Variants in PON1 observed in about 807,000 individuals in gnomAD.
PON1 encodes the protein paraoxonase 1, also known as serum paraoxonase/arylesterase 1.
In PON1, 37 loss-of-function variants were observed where a neutral mutation model predicts 39.2. The observed-to-expected ratio is 0.94, with a 90% CI of 0.73 to 1.24. The LOEUF (loss-of-function observed/expected upper bound fraction) is 1.24, where lower values mean the gene tolerates loss of function less well. PON1 is among the 50% of genes most tolerant of loss of function. The probability of loss-of-function intolerance (pLI) is 0.00; values close to 1 mark genes in which losing one functional copy is unlikely to be tolerated. For missense variants in PON1, 397 were observed against 413.5 expected (o/e 0.96, Z 0.35); for synonymous variants, 148 against 152.2 (o/e 0.97, Z 0.21).
Position 95,299,011 on chromosome 7 carries a change from G to A in PON1, c.1001C>T (p.Ala334Val). The change falls in exon 9 of 9, where the codon GCC becomes GTC. Residue 334 changes from alanine to valine, a missense_variant. Coordinates refer to ENST00000222381, the MANE Select transcript of PON1 (RefSeq NM_000446.7). ...NGTVLQGSTV[A>V]SVYKGKLLIG... ...CAGCAGTTTCCCTTTGTACACAGAGGCAACTGTACTGCCTTGCAACACTGT... is the reference window on the plus strand; with the variant it reads ...CAGCAGTTTCCCTTTGTACACAGAGACAACTGTACTGCCTTGCAACACTGT... The A allele has an allele frequency of 6.2e-7, 1 of 1,614,158 alleles. No homozygotes were observed. The highest frequency in any genetic ancestry group is 1.1e-5 in the South Asian group (1 of 91,084).
At chr7:95,322,459 C>G (rs902664998) in intron 1 of PON1, among the ~76,000 whole-genome samples, 2 of 151,818 alleles carry the variant, frequency 1.3e-5, no homozygotes, top group Non-Finnish European at 2.9e-5. Flanking sequence ...TTGAAAGTTG[C>G]AGAAATGATA....
intron 1 of PON1, among the ~76,000 whole-genome samples, chr7:95,320,699 C>G (rs1424477916): frequency 3.9e-5 from 6 of 152,174 alleles, no homozygotes. Context: ...GAAGATGCAC[C>G]TGAAAATTGA....
rs1997230 is a variant in PON1 at position 95,323,001 on chromosome 7, G to A, written c.74+1401C>T. Among the ~76,000 whole-genome samples, 456 of 152,262 alleles carry A rather than the reference G, an allele frequency of 3.0e-3. 9 individuals carry two copies. Among genetic ancestry groups the A allele is most frequent in the Admixed American group, 0.027 (406 of 15,288 alleles). ...GGGATTTGGCTTGCTCCTGATGCAG[G>A]CCTCATGATATCATCTCTTGCCTTC... is the stretch of plus-strand genomic sequence containing the variant. On this transcript the variant is annotated intron_variant, in intron 1 of 8. Coordinates refer to ENST00000222381, the MANE Select transcript of PON1 (RefSeq NM_000446.7).
At chr7:95,299,896 A>G (rs1328464936) in intron 8 of PON1, among the ~76,000 whole-genome samples, 2 of 152,176 alleles carry the variant, frequency 1.3e-5, no homozygotes, top group Non-Finnish European at 1.5e-5. Context: ...CCATGCAGTA[A>G]TTAAGGTCCG....
rs373890089 is a variant in PON1, at chr7:95,324,480, G to A, written c.-5C>T. ...GAGCGCAATCAGCTTCGCCATGGTC[G>A]GGGATAGACAAAGGGATCGATGGGC... is the stretch of plus-strand genomic sequence containing the variant. On this transcript the variant is annotated 5_prime_UTR_variant, in exon 1 of 9. Coordinates refer to ENST00000222381, the MANE Select transcript of PON1 (RefSeq NM_000446.7). The A allele has an allele frequency of 3.7e-6, 6 of 1,613,750 alleles. No individual in the cohort carries two copies. The highest frequency in any genetic ancestry group is 5.1e-6 in the Non-Finnish European group (6 of 1,179,844).
At chr7:95,299,435 G>T (rs1244493758) in intron 8 of PON1, among the ~76,000 whole-genome samples, 1 of 152,122 alleles carries the variant, frequency 6.6e-6, no homozygotes, top group Non-Finnish European at 1.5e-5. Context: ...CAGTATGATA[G>T]TTAATACTGA....
At chr7:95,315,552 C>A in intron 3 of PON1, 62 bp from the exon 4 acceptor site, 1 of 1,529,304 alleles carries the variant, frequency 6.5e-7, no homozygotes, top group Admixed American at 1.7e-5. Flanking sequence ...CTAATAGAGG[C>A]GCTGCATGGC....
chr7:95,313,618 ATGTGTGTGTG>A (rs3046663), intron 4 of PON1, among the ~76,000 whole-genome samples: 30 of 147,292 alleles, frequency 2.0e-4, no homozygotes, highest in East Asian at 9.9e-4. Context: ...ATATATGTAT[ATGTGTGTGTG>A]TGTGTGTGTG....
chr7:95,302,103 A>AC, intron 8 of PON1, 102 bp downstream of exon 8: 3 of 705,174 alleles, frequency 4.3e-6, no homozygotes, highest in African/African-American at 5.5e-5. Flanking sequence ...TCACAAAAAA[A>AC]AAAAAAAAAA....
rs1807745467 is a variant in PON1 at position 95,315,425 on chromosome 7, G to A, written c.267C>T (p.Asp89=). 6.2e-7 allele frequency: 1 copy of A among 1,613,468 alleles called. No individual in the cohort carries two copies. The highest frequency in any genetic ancestry group is 1.3e-5 in the African/African-American group (1 of 74,888). The stretch of plus-strand genomic sequence containing the variant: ...ACACTGTTGGATCTTCTTCATTCAG[G>A]TCCATCAGAAGTATTTTTCCAGGAC... The part of the protein sequence containing the change: ...PNSPGKILLM[D]LNEEDPTVLE... The change falls in exon 4 of 9, where the codon GAC becomes GAT. Residue 89 remains aspartate (D), a synonymous_variant. Transcript: ENST00000222381.
chr7:95,302,330 G>T lies in PON1; in HGVS notation c.784C>A (p.Leu262Ile). The T allele has an allele frequency of 6.2e-7, 1 of 1,606,558 alleles. No homozygotes were observed. The highest frequency in any genetic ancestry group is 8.5e-7 in the Non-Finnish European group (1 of 1,173,836). Residue 262 changes from leucine to isoleucine, a missense_variant, in exon 8 of 9, where the codon CTT becomes ATT. Transcript: ENST00000222381. The stretch of plus-strand genomic sequence containing the variant: ...TTATCCACGAGGGTATTAAAGTCAA[G>T]GGACTTAAAAGATTAAAAACAAGAA... Reference protein sequence around the residue: ...ANWTLTPLKSLDFNTLVDNIS... With the variant: ...ANWTLTPLKSIDFNTLVDNIS...
chr7:95,314,257 G>C (rs1585698303), intron 4 of PON1, among the ~76,000 whole-genome samples: 1 of 152,120 alleles, frequency 6.6e-6, no homozygotes, highest in East Asian at 1.9e-4. Context: ...CTACTCAGGA[G>C]GCTGAGGCAG....
rs7809060 is a variant in PON1 at position 95,302,075 on chromosome 7, C to G, written c.909+130G>C. ...TTGCGCCACTGCACTCCAGCCTGGG[C>G]GACAGAGCGATACTCTGTCACAAAA... On this transcript the variant is annotated intron_variant, in intron 8 of 8. Coordinates refer to ENST00000222381, the MANE Select transcript of PON1 (RefSeq NM_000446.7). 5.4e-6 allele frequency: 5 copies of G among 923,508 alleles called. No homozygotes were observed. The Admixed American group carries it at 1.6e-4, about 29-fold the overall frequency. 57.2% of individuals were successfully genotyped at this position (923,508 alleles called of 1,614,324 possible). A position where few individuals can be genotyped will look rare whatever the true frequency, so the allele number is the denominator to read the frequency against.
At chr7:95,316,894 T>C (rs1807781037) in intron 2 of PON1, 105 bp from the exon 3 acceptor site, 5 of 819,674 alleles carry the variant, frequency 6.1e-6, no homozygotes, top group Non-Finnish European at 1.1e-5. Flanking sequence ...TACATCACTC[T>C]TCTTTAATAG....
chr7:95,315,737 G>A (rs928289922), intron 3 of PON1, among the ~76,000 whole-genome samples: 2 of 152,132 alleles, frequency 1.3e-5, no homozygotes, highest in Non-Finnish European at 2.9e-5. Flanking sequence ...ATATGTGCAC[G>A]ACACTACAGC....
rs13306696 is a variant in PON1, at chr7:95,306,506, C to T, written c.699-140G>A. The T allele has an allele frequency of 1.1e-4, 77 of 701,636 alleles. 1 individual carries two copies. The East Asian group carries it at 1.9e-3, about 17-fold the overall frequency. 43.5% of individuals were successfully genotyped at this position (701,636 alleles called of 1,614,324 possible). ...GAACCCACCTCAAACACACCAAATT[C>T]TGAAAGAACTCAGTGAGTTTACAGT... On this transcript the variant is annotated intron_variant, in intron 6 of 8. Transcript: ENST00000222381.
At chr7:95,302,111 A>AAC (rs1563594314) in intron 8 of PON1, 94 bp downstream of exon 8, 1 of 841,992 alleles carries the variant, frequency 1.2e-6, no homozygotes, top group African/African-American at 1.8e-5. Context: ...AAAAAAAAAA[A>AAC]AAAAAAAAAA....
At chr7:95,315,984 TA>T (rs1464770484) in intron 3 of PON1, among the ~76,000 whole-genome samples, 2 of 152,210 alleles carry the variant, frequency 1.3e-5, no homozygotes, top group African/African-American at 4.8e-5. Flanking sequence ...TGTGTTCCCA[TA>T]TAAGATTTTG....
intron 6 of PON1, among the ~76,000 whole-genome samples, chr7:95,307,077 A>G (rs1585694259): frequency 1.3e-5 from 2 of 149,966 alleles, no homozygotes; most frequent in East Asian, 3.9e-4. Flanking sequence ...TTTTTTTAAA[A>G]AAAAACAGAG....
Sources: gnomAD v4.1 joint callset for allele counts (sites outside exome capture counted in the v4.1 genomes callset) on GRCh38, gnomAD v4.1.1 for gene constraint, MANE v1.5 for transcripts, NCBI Gene and HGNC (gene_info 2026-07-23, HGNC 2026-07-21) for gene names.